TNS3: variants seen among roughly 807,000 people sequenced by gnomAD.
TNS3 encodes tensin-3.
Under a neutral mutation model 140.9 loss-of-function variants are expected in TNS3, and 45 were observed. That is an observed-to-expected ratio of 0.32 (90% CI 0.25 to 0.41). The LOEUF (loss-of-function observed/expected upper bound fraction) is 0.41, where lower values mean the gene tolerates loss of function less well. Among genes scored for constraint, TNS3 ranks in the 10% least tolerant of loss-of-function variants. TNS3 has a pLI of 1.00. For synonymous variants in TNS3, 815 were observed against 788.4 expected (o/e 1.03, Z -0.56); for missense variants, 1,716 against 1,906.7 (o/e 0.90, Z 1.86).
chr7:47,448,316 A>G (rs1480860514), intron 4 of TNS3, among the ~76,000 whole-genome samples: 1 of 152,184 alleles, frequency 6.6e-6, no homozygotes, highest in African/African-American at 2.4e-5. Flanking sequence ...GAAGTCCACG[A>G]CGTCCCAGGG....
At chr7:47,540,911 G>C (rs1050278116) in intron 1 of TNS3, among the ~76,000 whole-genome samples, 6 of 152,204 alleles carry the variant, frequency 3.9e-5, no homozygotes, top group African/African-American at 1.4e-4. Flanking sequence ...ACCGAGCTGG[G>C]CTGGACTCCA....
chr7:47,373,966 G>C (rs1791224500), intron 16 of TNS3, among the ~76,000 whole-genome samples: 1 of 152,180 alleles, frequency 6.6e-6, no homozygotes, highest in Admixed American at 6.5e-5. Flanking sequence ...CTGCAACCCA[G>C]GTGTCCCCAC....
At chr7:47,349,205 G>T (rs1020193624) in intron 17 of TNS3, among the ~76,000 whole-genome samples, 12 of 151,688 alleles carry the variant, frequency 7.9e-5, no homozygotes, top group African/African-American at 2.9e-4. Context: ...TTCAAAAAGA[G>T]TCTCAAAAAA....
intron 16 of TNS3, among the ~76,000 whole-genome samples, chr7:47,390,905 ACT>A (rs1792474764): frequency 6.6e-6 from 1 of 151,902 alleles, no homozygotes; most frequent in Non-Finnish European, 1.5e-5. Context: ...TCCTCTCCAG[ACT>A]CTGCCTCCCA....
intron 12 of TNS3, among the ~76,000 whole-genome samples, chr7:47,412,797 T>TA (rs1562707707): frequency 2.6e-5 from 4 of 152,076 alleles, no homozygotes; most frequent in Non-Finnish European, 4.4e-5. Flanking sequence ...AATGCAACCA[T>TA]AAAAAATAAT....
intron 1 of TNS3, among the ~76,000 whole-genome samples, chr7:47,554,811 A>G (rs1800153474): frequency 6.6e-6 from 1 of 152,084 alleles, no homozygotes; most frequent in Non-Finnish European, 1.5e-5. Context: ...CAGGTGGATC[A>G]CAAGGTCAAG....
chr7:47,512,548 T>C (rs2151897884), intron 2 of TNS3, among the ~76,000 whole-genome samples: 1 of 152,344 alleles, frequency 6.6e-6, no homozygotes, highest in East Asian at 1.9e-4. Flanking sequence ...TGAGAGTTCT[T>C]ACAAAAGGCA....
intron 20 of TNS3, among the ~76,000 whole-genome samples, chr7:47,318,920 A>T (rs1023226712): frequency 1.3e-5 from 2 of 152,242 alleles, no homozygotes; most frequent in South Asian, 2.1e-4. Flanking sequence ...TCCACAGGAC[A>T]GGAAGTCTTG....
At chr7:47,490,700 G>A (rs998094656) in intron 3 of TNS3, among the ~76,000 whole-genome samples, 1 of 152,268 alleles carries the variant, frequency 6.6e-6, no homozygotes, top group Non-Finnish European at 1.5e-5. Context: ...AGTGCCAATC[G>A]TTGGAAATGG....
rs74990453 is a variant in TNS3 at position 47,573,657 on chromosome 7, A to G, written c.-265+8394T>C. The stretch of plus-strand genomic sequence containing the variant: ...CCCAGCCCAGCATCCTCTTGGAAAG[A>G]AACACCAGTTGACTCCAGATAGAGC... On this transcript the variant is annotated intron_variant, in intron 1 of 30. Transcript: ENST00000311160. 7.3e-3 allele frequency among the ~76,000 whole-genome samples: 1,116 copies of G among 152,240 alleles called. 12 individuals are homozygous for G. The highest frequency in any genetic ancestry group is 0.026 in the African/African-American group (1,072 of 41,568).
intron 4 of TNS3, among the ~76,000 whole-genome samples, chr7:47,457,674 C>T (rs535106103): frequency 6.6e-6 from 1 of 152,310 alleles, no homozygotes; most frequent in Admixed American, 6.5e-5. Context: ...AAGTCAGTCC[C>T]CTCCAACCAC....
chr7:47,548,815 A>T (rs1438562148), intron 1 of TNS3, among the ~76,000 whole-genome samples: 1 of 151,934 alleles, frequency 6.6e-6, no homozygotes, highest in Non-Finnish European at 1.5e-5. Context: ...TCCCACCTTC[A>T]CTGGGCCATC....
chr7:47,560,630 C>A (rs1199618065), intron 1 of TNS3, among the ~76,000 whole-genome samples: 1 of 152,178 alleles, frequency 6.6e-6, no homozygotes, highest in Admixed American at 6.5e-5. Context: ...TCCTGCAACC[C>A]TCGAACTGGG....
intron 20 of TNS3, among the ~76,000 whole-genome samples, chr7:47,306,008 C>T (rs1279342868): frequency 1.3e-5 from 2 of 152,132 alleles, no homozygotes; most frequent in East Asian, 3.8e-4. Flanking sequence ...ACAGGACTAT[C>T]ACCTCACATG....
intron 17 of TNS3, among the ~76,000 whole-genome samples, 192 bp from the exon 18 acceptor site, chr7:47,346,548 T>C (rs1789356725): frequency 6.6e-6 from 1 of 152,128 alleles, no homozygotes; most frequent in Non-Finnish European, 1.5e-5. Context: ...CTCTCAGGGA[T>C]GAACAAGGCC....
At chr7:47,408,602 C>T (rs1042280733) in intron 13 of TNS3, among the ~76,000 whole-genome samples, 12 of 152,172 alleles carry the variant, frequency 7.9e-5, no homozygotes, top group African/African-American at 2.7e-4. Context: ...CTCTGCCAGG[C>T]GCTGTCCTGG....
At chr7:47,319,693 A>G (rs1264306740) in intron 20 of TNS3, among the ~76,000 whole-genome samples, 1 of 152,158 alleles carries the variant, frequency 6.6e-6, no homozygotes, top group Non-Finnish European at 1.5e-5. Context: ...ATTTCAATGG[A>G]CCTGAATAGA....
At chr7:47,344,163 G>A (rs951822728) in intron 20 of TNS3, among the ~76,000 whole-genome samples, 14 of 152,150 alleles carry the variant, frequency 9.2e-5, no homozygotes, top group Admixed American at 8.5e-4. Context: ...TGGACTCTCA[G>A]GCAAGTCCTC....
chr7:47,527,483 C>T (rs1799240157), intron 2 of TNS3, among the ~76,000 whole-genome samples: 1 of 152,134 alleles, frequency 6.6e-6, no homozygotes, highest in Admixed American at 6.5e-5. Context: ...CACCTTACAC[C>T]TGCAGGCCCC....
Sources: allele counts gnomAD v4.1 joint callset (sites outside exome capture counted in the v4.1 genomes callset), GRCh38; gene constraint gnomAD v4.1.1; transcripts MANE v1.5; gene names NCBI Gene and HGNC (gene_info 2026-07-23, HGNC 2026-07-21).